Variants in ABCA13 observed in about 807,000 individuals in gnomAD.
ABCA13 encodes the protein ATP binding cassette subfamily A member 13, also known as ATP-binding cassette sub-family A member 13.
Under a neutral mutation model 478.7 loss-of-function variants are expected in ABCA13, and 476 were observed. The observed-to-expected ratio is 0.99, with a 90% CI of 0.92 to 1.07. The LOEUF is 1.07. Among genes scored for constraint, ABCA13 ranks in the 50% least tolerant of loss-of-function variants. The pLI, the probability that ABCA13 is intolerant of heterozygous loss-of-function variation, is 0.00. For missense variants in ABCA13, 6,060 were observed against 5,910.6 expected (o/e 1.03, Z -0.83); for synonymous variants, 2,252 against 2,158.9 (o/e 1.04, Z -1.20).
chr7:48,369,043 A>G (rs977293613), intron 32 of ABCA13, among the ~76,000 whole-genome samples: 1 of 151,814 alleles, frequency 6.6e-6, no homozygotes, highest in Non-Finnish European at 1.5e-5. Context: ...TTCCTTTTTC[A>G]CCGCATCCAT....
chr7:48,525,780 G>T (rs1343742666), intron 54 of ABCA13, among the ~76,000 whole-genome samples: 2 of 148,594 alleles, frequency 1.3e-5, no homozygotes, highest in Admixed American at 1.4e-4. Flanking sequence ...AGAATGTGCA[G>T]GTTTGTTACA....
In ABCA13 at chr7:48,230,569, A is replaced by G. The variant is rs1434016267; in HGVS notation, c.763+614A>G. On this transcript the variant is annotated intron_variant, in intron 7 of 61. Coordinates refer to ENST00000435803, the MANE Select transcript of ABCA13 (RefSeq NM_152701.5). ...TGAGAGAACAACAAAGTTGGAATTC[A>G]TCCACCCATTTATCTGTTCATCTGT... 2.6e-5 allele frequency among the ~76,000 whole-genome samples: 4 copies of G among 152,328 alleles called. No individual in the cohort carries two copies. The East Asian group carries it at 7.7e-4, about 29-fold the overall frequency.
At position 48,279,342 on chromosome 7, in the gene ABCA13, G is replaced by T. The variant is rs575264578; in HGVS notation, c.8148G>T (p.Val2716=). Residue 2716 remains valine, a synonymous_variant, in exon 18 of 62, where the codon GTG becomes GTT. Coordinates refer to ENST00000435803, the MANE Select transcript of ABCA13 (RefSeq NM_152701.5). Reference sequence around the variant, plus strand: ...TAAAATGGGAAATAATTCATGAAGTGATCCCTTTTTTGGATAAAATATTAT... The same window carrying T: ...TAAAATGGGAAATAATTCATGAAGTTATCCCTTTTTTGGATAAAATATTAT... ...QDIKWEIIHE[V]IPFLDKILSQ... The T allele has an allele frequency of 6.3e-7, 1 of 1,585,956 alleles. No homozygotes were observed. The highest frequency in any genetic ancestry group is 1.8e-5 in the Admixed American group (1 of 55,790).
chr7:48,278,984 T>A lies in ABCA13; in HGVS notation c.7790T>A (p.Leu2597Ter). 6.2e-7 allele frequency: 1 copy of A among 1,613,442 alleles called. No individual in the cohort carries two copies. The highest frequency in any genetic ancestry group is 1.1e-5 in the South Asian group (1 of 91,064). ...GATTTGTTGGTGCCATTTCTTGACT[T>A]GGCCTTTGAAATGATTGGGGTAGAA... ...INDLLVPFLD[L>*]AFEMIGVEPY... Residue 2597 changes from leucine to a stop codon, truncating the protein, a stop_gained, in exon 18 of 62, where the codon TTG becomes TAG. Coordinates refer to ENST00000435803, the MANE Select transcript of ABCA13 (RefSeq NM_152701.5). LOFTEE classifies it high-confidence loss of function.
At chr7:48,444,791 C>T (rs970182051) in intron 42 of ABCA13, among the ~76,000 whole-genome samples, 3 of 152,170 alleles carry the variant, frequency 2.0e-5, no homozygotes, top group Non-Finnish European at 4.4e-5. Context: ...CATCTCAACA[C>T]GTTTAAGTCC....
chr7:48,585,526 A>G (rs1326651666), intron 56 of ABCA13, among the ~76,000 whole-genome samples: 1 of 152,212 alleles, frequency 6.6e-6, no homozygotes, highest in Non-Finnish European at 1.5e-5. Context: ...GTAAAGCCAT[A>G]TAATAATTTC....
chr7:48,431,665 G>A (rs975424222), intron 42 of ABCA13, among the ~76,000 whole-genome samples: 1 of 152,030 alleles, frequency 6.6e-6, no homozygotes, highest in Non-Finnish European at 1.5e-5. Context: ...CTGTTTTTAT[G>A]TCTTTGCGGG....
chr7:48,580,612 A>C (rs973228136), intron 56 of ABCA13, among the ~76,000 whole-genome samples: 3 of 152,256 alleles, frequency 2.0e-5, no homozygotes, highest in Admixed American at 6.5e-5. Flanking sequence ...GGTCGGAGTT[A>C]AAGCATAAAT....
At chr7:48,357,714 TC>T (rs1563113799) in intron 31 of ABCA13, among the ~76,000 whole-genome samples, 2 of 152,038 alleles carry the variant, frequency 1.3e-5, no homozygotes, top group East Asian at 1.9e-4. Flanking sequence ...GTAAGTTATT[TC>T]CCCCAAGATC....
At chr7:48,188,171 C>A (rs544748374) in intron 1 of ABCA13, among the ~76,000 whole-genome samples, 1 of 152,282 alleles carries the variant, frequency 6.6e-6, no homozygotes, top group Admixed American at 6.5e-5. Flanking sequence ...ATCTGAGATG[C>A]AATACAACCT....
At chr7:48,560,747 A>G (rs1281751738) in intron 55 of ABCA13, among the ~76,000 whole-genome samples, 3 of 152,218 alleles carry the variant, frequency 2.0e-5, no homozygotes, top group Non-Finnish European at 4.4e-5. Context: ...AATGTACAGT[A>G]CTCAGTTATT....
At chr7:48,513,346 G>T (rs7792728) in intron 51 of ABCA13, among the ~76,000 whole-genome samples, 1 of 151,996 alleles carries the variant, frequency 6.6e-6, no homozygotes, top group Non-Finnish European at 1.5e-5. Flanking sequence ...ATGCCTAATC[G>T]CAGTCTTATT....
intron 7 of ABCA13, among the ~76,000 whole-genome samples, chr7:48,232,089 G>GC (rs1481508617): frequency 7.4e-6 from 1 of 135,400 alleles, no homozygotes; most frequent in Non-Finnish European, 1.5e-5. Context: ...TCCACCTGTT[G>GC]CTTCTTTCTT....
At chr7:48,229,026 A>T (rs146957845) in intron 6 of ABCA13, among the ~76,000 whole-genome samples, 1 of 152,164 alleles carries the variant, frequency 6.6e-6, no homozygotes, top group African/African-American at 2.4e-5. Flanking sequence ...GGTTTCAGTG[A>T]TATATCTTAT....
intron 3 of ABCA13, among the ~76,000 whole-genome samples, chr7:48,201,944 T>G (rs551582922): frequency 1.3e-5 from 2 of 151,756 alleles, no homozygotes; most frequent in South Asian, 2.1e-4. Flanking sequence ...GGCTCAGGAG[T>G]GAAGCTGCAG....
At chr7:48,281,200 T>C in intron 18 of ABCA13, 143 bp from the exon 19 acceptor site, 2 of 678,814 alleles carry the variant, frequency 2.9e-6, no homozygotes, top group Non-Finnish European at 5.0e-6. Flanking sequence ...TGTGTTTTCT[T>C]ATGTTCCTAT....
At chr7:48,199,934 G>A (rs1457113249) in intron 3 of ABCA13, among the ~76,000 whole-genome samples, 1 of 152,162 alleles carries the variant, frequency 6.6e-6, no homozygotes, top group Non-Finnish European at 1.5e-5. Context: ...CTTTGAATCT[G>A]TTTACTCACT....
chr7:48,573,928 G>GT (rs1787917843), intron 55 of ABCA13, among the ~76,000 whole-genome samples: 1 of 151,918 alleles, frequency 6.6e-6, no homozygotes, highest in Non-Finnish European at 1.5e-5. Flanking sequence ...CTCTCTGTGT[G>GT]TTTATATAGT....
At chr7:48,546,168 C>T (rs1196620964) in intron 55 of ABCA13, among the ~76,000 whole-genome samples, 1 of 151,766 alleles carries the variant, frequency 6.6e-6, no homozygotes, top group African/African-American at 2.4e-5. Context: ...AGCCACTAGC[C>T]ACTTGTAGCA....
Sources: gnomAD v4.1 joint callset for allele counts (sites outside exome capture counted in the v4.1 genomes callset) on GRCh38, gnomAD v4.1.1 for gene constraint, MANE v1.5 for transcripts, NCBI Gene and HGNC (gene_info 2026-07-23, HGNC 2026-07-21) for gene names.